The following WWP1 variants were observed in gnomAD, a reference collection of about 807,000 sequenced individuals.
The protein encoded by WWP1 is NEDD4-like E3 ubiquitin-protein ligase WWP1.
WWP1 carries 49 observed loss-of-function variants against 130.6 expected under a neutral mutation model. The observed-to-expected ratio is 0.38, with a 90% CI of 0.30 to 0.48. The LOEUF (loss-of-function observed/expected upper bound fraction) is 0.48. Among genes scored for constraint, WWP1 ranks in the 20% least tolerant of loss-of-function variants. WWP1 has a pLI of 0.99. For missense variants in WWP1, 809 were observed against 1,100.6 expected (o/e 0.74, Z 3.75); for synonymous variants, 332 against 367.8 (o/e 0.90, Z 1.11).
intron 20 of WWP1, among the ~76,000 whole-genome samples, chr8:86,451,349 A>G (rs530961757): frequency 2.0e-5 from 3 of 150,552 alleles, no homozygotes; most frequent in African/African-American, 4.9e-5. Flanking sequence ...GATGGTGAGA[A>G]TTAGTGGCTA....
intron 14 of WWP1, among the ~76,000 whole-genome samples, chr8:86,434,094 G>T (rs1810150105): frequency 6.6e-6 from 1 of 152,074 alleles, no homozygotes; most frequent in East Asian, 1.9e-4. Context: ...TGCCTGGCTT[G>T]GTAGCAGAGT....
rs567113542 is a variant in WWP1 at position 86,390,100 on chromosome 8, C to G, written c.335-8242C>G. 4.0e-4 allele frequency among the ~76,000 whole-genome samples: 60 copies of G among 149,800 alleles called. No individual in the cohort carries two copies. In the South Asian group the frequency reaches 0.011, roughly 28 times the overall value. On this transcript the variant is annotated intron_variant, in intron 5 of 24. Transcript: ENST00000517970. ...GGCACTCCTCACATCCCAGACGGAG[C>G]GGCGGGGCAGAGGCGCTCCCCACAT...
At chr8:86,433,795 G>A (rs1001961167) in intron 14 of WWP1, among the ~76,000 whole-genome samples, 4 of 152,172 alleles carry the variant, frequency 2.6e-5, no homozygotes, top group Non-Finnish European at 5.9e-5. Context: ...GCGTGTGCCT[G>A]TAATCCCAGC....
intron 5 of WWP1, among the ~76,000 whole-genome samples, chr8:86,390,371 C>T (rs1207953924): frequency 1.3e-5 from 2 of 152,128 alleles, no homozygotes; most frequent in East Asian, 1.9e-4. Flanking sequence ...TGTAGCAAGC[C>T]GAGATCACGC....
At chr8:86,435,058 G>A (rs1012189218) in intron 14 of WWP1, among the ~76,000 whole-genome samples, 31 of 152,308 alleles carry the variant, frequency 2.0e-4, no homozygotes, top group African/African-American at 7.2e-4. Flanking sequence ...ATTATCTCCA[G>A]GAATATTTGT....
intron 3 of WWP1, among the ~76,000 whole-genome samples, chr8:86,377,774 A>G (rs1258625069): frequency 1.3e-5 from 2 of 152,330 alleles, no homozygotes; most frequent in Non-Finnish European, 2.9e-5. Flanking sequence ...AGAGTATGCA[A>G]GATGTATAAA....
chr8:86,446,032 A>T (rs1389428444), intron 18 of WWP1, among the ~76,000 whole-genome samples: 1 of 120,998 alleles, frequency 8.3e-6, no homozygotes, highest in African/African-American at 3.3e-5. Flanking sequence ...CCCAGGCTGG[A>T]GTGCAGTGGC....
intron 9 of WWP1, among the ~76,000 whole-genome samples, chr8:86,415,445 A>G (rs539875858): frequency 4.7e-4 from 71 of 152,320 alleles, no homozygotes; most frequent in African/African-American, 1.4e-3. Flanking sequence ...GTGCATTTCA[A>G]TGAGTTGCAG....
intron 8 of WWP1, among the ~76,000 whole-genome samples, chr8:86,405,875 C>T (rs539706130): frequency 2.6e-5 from 4 of 152,302 alleles, no homozygotes; most frequent in Admixed American, 2.6e-4. Flanking sequence ...AATTCTGGAA[C>T]ACACCTGGCA....
At chr8:86,343,209 C>G (rs1385228684) in intron 1 of WWP1, 2 of 173,972 alleles carry the variant, frequency 1.1e-5, no homozygotes, top group Non-Finnish European at 1.2e-5. Flanking sequence ...TTCCGTGACT[C>G]TGCAGCCGCA....
Position 86,388,524 on chromosome 8 carries a change from CT to C in WWP1, c.334+6896del, listed in dbSNP as rs1410875085. Among the ~76,000 whole-genome samples, 3 of 152,162 alleles carry C rather than the reference CT, an allele frequency of 2.0e-5. No homozygotes were observed. In the East Asian group the frequency reaches 5.8e-4, roughly 29 times the overall value. On this transcript the variant is annotated intron_variant, in intron 5 of 24. Coordinates refer to ENST00000517970, the MANE Select transcript of WWP1 (RefSeq NM_007013.4). ...CTGCCATTTGTCTTTTATGTTTCCC[CT>C]GGCACACTTTTTGATATAATCTAAT...
intron 17 of WWP1, chr8:86,440,556 G>T: frequency 5.5e-6 from 2 of 362,806 alleles, no homozygotes; most frequent in South Asian, 2.2e-5. Flanking sequence ...TTTTTCCTCT[G>T]GGTGCCCACA....
rs1825000032 is a variant in WWP1 at position 86,381,756 on chromosome 8, G to T, written c.334+127G>T. The T allele has an allele frequency of 3.2e-6, 3 of 951,738 alleles. No homozygotes were observed. In the South Asian group the frequency reaches 7.7e-5, roughly 25 times the overall value. The allele number at this position is 951,738 out of a possible 1,614,324, so 59.0% of individuals were successfully genotyped here. On this transcript the variant is annotated intron_variant, in intron 5 of 24. Transcript: ENST00000517970. ...AGAACTTCAGTTATTGCTTGTGATT[G>T]ATTAACTTTGTGGCATTTTATGAAA...
chr8:86,430,122 G>A (rs1002591010), intron 11 of WWP1, among the ~76,000 whole-genome samples: 4 of 152,068 alleles, frequency 2.6e-5, no homozygotes. Flanking sequence ...GATTGCTTGA[G>A]CCCGGGAAGC....
intron 1 of WWP1, among the ~76,000 whole-genome samples, chr8:86,350,125 CCT>C (rs1403462241): frequency 9.2e-5 from 14 of 152,078 alleles, no homozygotes; most frequent in African/African-American, 2.7e-4. Flanking sequence ...GAATGGTAAT[CCT>C]CTCTTATGGA....
At chr8:86,448,352 A>G in intron 19 of WWP1, 21 bp from the exon 20 acceptor site, 5 of 1,605,084 alleles carry the variant, frequency 3.1e-6, no homozygotes, top group Non-Finnish European at 4.2e-6. Context: ...TAATTAGTGT[A>G]TATATATTTA....
At chr8:86,350,687 A>G (rs1586232947) in intron 1 of WWP1, among the ~76,000 whole-genome samples, 2 of 152,186 alleles carry the variant, frequency 1.3e-5, no homozygotes, top group East Asian at 3.9e-4. Flanking sequence ...TCCTAGCATT[A>G]ACAGAATGTA....
At chr8:86,433,819 G>T (rs909347851) in intron 14 of WWP1, among the ~76,000 whole-genome samples, 2 of 152,130 alleles carry the variant, frequency 1.3e-5, no homozygotes, top group African/African-American at 2.4e-5. Flanking sequence ...TCAGGAGGCT[G>T]AGGCAGGAGA....
chr8:86,389,707 C>T (rs936089264), intron 5 of WWP1, among the ~76,000 whole-genome samples: 2 of 152,214 alleles, frequency 1.3e-5, no homozygotes, highest in African/African-American at 4.8e-5. Context: ...GGCAGACGGG[C>T]TCCTCACTTC....
Sources: gnomAD v4.1 joint callset for allele counts (sites outside exome capture counted in the v4.1 genomes callset) on GRCh38, gnomAD v4.1.1 for gene constraint, MANE v1.5 for transcripts, NCBI Gene and HGNC (gene_info 2026-07-23, HGNC 2026-07-21) for gene names.